The following FMN2 variants were observed in gnomAD, a reference collection of about 807,000 sequenced individuals.
FMN2 encodes formin-2.
FMN2 carries 51 observed loss-of-function variants against 142.3 expected under a neutral mutation model. That is an observed-to-expected ratio of 0.36 (90% CI 0.29 to 0.45). The LOEUF is 0.45. FMN2 is among the 20% of genes least tolerant of loss of function. The pLI is 1.00. For synonymous variants in FMN2, 882 were observed against 869.8 expected (o/e 1.01, Z -0.25); for missense variants, 1,936 against 2,122.8 (o/e 0.91, Z 1.73).
At chr1:240,183,353 G>A (rs1193248679) in intron 3 of FMN2, among the ~76,000 whole-genome samples, 1 of 150,480 alleles carries the variant, frequency 6.6e-6, no homozygotes, top group South Asian at 2.1e-4. Context: ...AAATGTACTG[G>A]AATAGACTGA....
Position 240,271,639 on chromosome 1 carries a change from G to A in FMN2, c.4153+13607G>A, listed in dbSNP as rs1454241492. On this transcript the variant is annotated intron_variant, in intron 7 of 17. Transcript: ENST00000319653. Reference sequence around the variant, plus strand: ...TGAAATGTAAAGTCATTGAGAATTAGAAATTTGAGAAGAAAGTAGGCTCCA... The same window carrying A: ...TGAAATGTAAAGTCATTGAGAATTAAAAATTTGAGAAGAAAGTAGGCTCCA... 2.6e-5 allele frequency among the ~76,000 whole-genome samples: 4 copies of A among 152,116 alleles called. No individual in the cohort carries two copies. In the East Asian group the frequency reaches 7.8e-4, roughly 30 times the overall value.
chr1:240,281,560 T>G (rs894979985), intron 7 of FMN2, among the ~76,000 whole-genome samples: 1 of 152,168 alleles, frequency 6.6e-6, no homozygotes, highest in Non-Finnish European at 1.5e-5. Context: ...CCAGAAGATA[T>G]TCTGTCTTCT....
At chr1:240,426,859 C>T (rs935949332) in intron 15 of FMN2, among the ~76,000 whole-genome samples, 1 of 152,086 alleles carries the variant, frequency 6.6e-6, no homozygotes, top group Non-Finnish European at 1.5e-5. Flanking sequence ...CTGCCTCAGC[C>T]TCCCAGGTAG....
chr1:240,440,330 A>T (rs1024020589), intron 16 of FMN2, among the ~76,000 whole-genome samples: 1 of 152,206 alleles, frequency 6.6e-6, no homozygotes, highest in Non-Finnish European at 1.5e-5. Flanking sequence ...ATGCCCCATG[A>T]CAGCCTCCTC....
chr1:240,100,007 A>G (rs910171331), intron 1 of FMN2, among the ~76,000 whole-genome samples: 6 of 152,164 alleles, frequency 3.9e-5, no homozygotes, highest in Non-Finnish European at 1.5e-5. Context: ...CTTGATGAAT[A>G]CTTGCTCATT....
At chr1:240,248,749 T>C (rs1668175270) in intron 6 of FMN2, among the ~76,000 whole-genome samples, 2 of 152,068 alleles carry the variant, frequency 1.3e-5, no homozygotes, top group South Asian at 4.1e-4. Context: ...TTTTTTTAAA[T>C]AATAGTCATT....
At chr1:240,116,946 G>C (rs1662048195) in intron 1 of FMN2, among the ~76,000 whole-genome samples, 1 of 151,998 alleles carries the variant, frequency 6.6e-6, no homozygotes, top group Non-Finnish European at 1.5e-5. Context: ...GGAGCGGAGA[G>C]TGATGTGGCT....
chr1:240,435,952 C>A (rs1307860476), intron 15 of FMN2, among the ~76,000 whole-genome samples: 1 of 152,148 alleles, frequency 6.6e-6, no homozygotes, highest in African/African-American at 2.4e-5. Context: ...AGACTTGAGA[C>A]CTAACTTCAG....
chr1:240,461,782 C>T (rs1039804667), intron 16 of FMN2, among the ~76,000 whole-genome samples: 2 of 152,144 alleles, frequency 1.3e-5, no homozygotes, highest in South Asian at 2.1e-4. Context: ...CCAGCCTGCT[C>T]ATCTCTAAAA....
intron 7 of FMN2, chr1:240,285,299 G>C (rs1342691919): frequency 2.2e-6 from 1 of 455,302 alleles, no homozygotes; most frequent in African/African-American, 2.0e-5. Context: ...ATTAAGGACA[G>C]TTCCTCTGAA....
chr1:240,168,484 G>A (rs542173584), intron 2 of FMN2, among the ~76,000 whole-genome samples: 1 of 152,290 alleles, frequency 6.6e-6, no homozygotes, highest in Admixed American at 6.5e-5. Context: ...GGCCACTTGG[G>A]AGGCTGAGGT....
intron 13 of FMN2, among the ~76,000 whole-genome samples, chr1:240,334,718 T>C (rs1485983985): frequency 6.6e-6 from 1 of 152,224 alleles, no homozygotes; most frequent in Non-Finnish European, 1.5e-5. Flanking sequence ...TAAAATTATT[T>C]TGAAGAATAA....
At position 240,257,924 on chromosome 1, in the gene FMN2, TTTAC is replaced by T; in HGVS notation, c.4066-18_4066-15del. ...GGAGTTCAAATTAACATTTTCCCCT[TTTAC>T]TTTCTTTCTCGAGCAGGTTGTCAAG... On this transcript the variant is annotated splice_polypyrimidine_tract_variant and intron_variant, in intron 6 of 17. Coordinates refer to ENST00000319653, the MANE Select transcript of FMN2 (RefSeq NM_020066.5). The T allele has an allele frequency of 6.2e-7, 1 of 1,605,286 alleles. No homozygotes were observed. Among genetic ancestry groups the T allele is most frequent in the Non-Finnish European group, 8.5e-7 (1 of 1,173,642 alleles).
intron 15 of FMN2, among the ~76,000 whole-genome samples, chr1:240,432,362 A>G (rs946039521): frequency 2.6e-5 from 4 of 152,058 alleles, no homozygotes; most frequent in African/African-American, 9.6e-5. Context: ...TTTCATCCCT[A>G]GTATTGATAT....
At chr1:240,297,965 A>T (rs1159474017) in intron 8 of FMN2, among the ~76,000 whole-genome samples, 1 of 152,118 alleles carries the variant, frequency 6.6e-6, no homozygotes, top group Non-Finnish European at 1.5e-5. Context: ...TCTCTTCTAC[A>T]AGGGCACTGA....
At chr1:240,362,034 C>A (rs1220372126) in intron 14 of FMN2, among the ~76,000 whole-genome samples, 1 of 152,182 alleles carries the variant, frequency 6.6e-6, no homozygotes, top group African/African-American at 2.4e-5. Context: ...GACTGAACAA[C>A]AGCTAGGCTT....
chr1:240,101,106 C>T (rs1427209346), intron 1 of FMN2, among the ~76,000 whole-genome samples: 1 of 152,138 alleles, frequency 6.6e-6, no homozygotes, highest in Non-Finnish European at 1.5e-5. Context: ...AATCTATTTC[C>T]CTTTTCCGTT....
chr1:240,254,637 T>TA (rs1425988602), intron 6 of FMN2, among the ~76,000 whole-genome samples: 1 of 151,932 alleles, frequency 6.6e-6, no homozygotes. Flanking sequence ...AGGGTGGAGT[T>TA]ACCATGGCAG....
At chr1:240,164,924 A>G (rs1009091858) in intron 2 of FMN2, among the ~76,000 whole-genome samples, 2 of 152,120 alleles carry the variant, frequency 1.3e-5, no homozygotes, top group Admixed American at 1.3e-4. Context: ...TGGGACTCCA[A>G]TTATACATAA....
Sources: gnomAD v4.1 joint callset for allele counts (sites outside exome capture counted in the v4.1 genomes callset) on GRCh38, gnomAD v4.1.1 for gene constraint, MANE v1.5 for transcripts, NCBI Gene and HGNC (gene_info 2026-07-23, HGNC 2026-07-21) for gene names.